NXPH1: variants seen among roughly 807,000 people sequenced by gnomAD.
The protein encoded by NXPH1 is neurexophilin 1.
In NXPH1, 5 loss-of-function variants were observed where a neutral mutation model predicts 23.7. That is an observed-to-expected ratio of 0.21 (90% CI 0.11 to 0.44). NXPH1 has a LOEUF of 0.44. Among genes scored for constraint, NXPH1 ranks in the 20% least tolerant of loss-of-function variants. NXPH1 has a pLI of 0.99. For synonymous variants in NXPH1, 144 were observed against 122.2 expected, an observed-to-expected ratio of 1.18 and a Z score of -1.18; for missense variants, 324 against 321.6, an observed-to-expected ratio of 1.01 and a Z score of -0.06.
chr7:8,563,011 A>C (rs1818474616), intron 2 of NXPH1, among the ~76,000 whole-genome samples: 1 of 151,718 alleles, frequency 6.6e-6, no homozygotes, highest in African/African-American at 2.4e-5. Context: ...TTAAGTTATG[A>C]ATTCTAACCT....
chr7:8,592,440 G>A (rs1350409942), intron 2 of NXPH1, among the ~76,000 whole-genome samples: 1 of 151,986 alleles, frequency 6.6e-6, no homozygotes, highest in Non-Finnish European at 1.5e-5. Flanking sequence ...AGCCACTTAG[G>A]GGTAAGTCAT....
chr7:8,494,816 G>C (rs867271779), intron 2 of NXPH1, among the ~76,000 whole-genome samples: 1 of 152,026 alleles, frequency 6.6e-6, no homozygotes, highest in East Asian at 1.9e-4. Context: ...TGGTTTAGTG[G>C]TCTAGCTTTT....
chr7:8,528,405 C>T (rs1446663029), intron 2 of NXPH1, among the ~76,000 whole-genome samples: 1 of 152,230 alleles, frequency 6.6e-6, no homozygotes, highest in Non-Finnish European at 1.5e-5. Flanking sequence ...CTTTGGTTTG[C>T]AGAAATGCTT....
At chr7:8,447,268 T>C (rs1449272075) in intron 2 of NXPH1, among the ~76,000 whole-genome samples, 1 of 152,222 alleles carries the variant, frequency 6.6e-6, no homozygotes, top group African/African-American at 2.4e-5. Flanking sequence ...TCCAGTTATT[T>C]GTGAATAGTT....
At chr7:8,616,941 C>T (rs540419055) in intron 2 of NXPH1, among the ~76,000 whole-genome samples, 3 of 151,566 alleles carry the variant, frequency 2.0e-5, no homozygotes, top group Non-Finnish European at 4.4e-5. Context: ...ATTAGGAGTT[C>T]GTTATAGTAG....
intron 2 of NXPH1, among the ~76,000 whole-genome samples, chr7:8,451,582 AAGCATT>A (rs1230464715): frequency 1.3e-5 from 2 of 152,214 alleles, no homozygotes; most frequent in African/African-American, 4.8e-5. Context: ...TGATAGTAAA[AAGCATT>A]AGTCTTTTGT....
chr7:8,670,233 C>T (rs773160014), intron 2 of NXPH1, among the ~76,000 whole-genome samples: 1 of 152,194 alleles, frequency 6.6e-6, no homozygotes, highest in African/African-American at 2.4e-5. Flanking sequence ...ATGTAGATGT[C>T]CTTTGAGGTA....
At chr7:8,715,898 A>G (rs1779868260) in intron 2 of NXPH1, among the ~76,000 whole-genome samples, 1 of 152,114 alleles carries the variant, frequency 6.6e-6, no homozygotes, top group South Asian at 2.1e-4. Context: ...CACATAAAAC[A>G]TTATATGTGT....
intron 2 of NXPH1, among the ~76,000 whole-genome samples, chr7:8,656,756 A>C (rs1820589601): frequency 6.8e-6 from 1 of 146,692 alleles, no homozygotes; most frequent in African/African-American, 2.6e-5. Context: ...ATGTGATCTC[A>C]TTGTTCAATT....
intron 2 of NXPH1, among the ~76,000 whole-genome samples, chr7:8,458,081 C>T (rs1237522719): frequency 6.6e-6 from 1 of 152,088 alleles, no homozygotes; most frequent in Non-Finnish European, 1.5e-5. Context: ...AAATGCTATT[C>T]CATAAAAATA....
chr7:8,540,622 CT>C (rs1439371621), intron 2 of NXPH1, among the ~76,000 whole-genome samples: 9 of 151,700 alleles, frequency 5.9e-5, no homozygotes, highest in African/African-American at 2.2e-4. Flanking sequence ...AAGGAGAGAG[CT>C]GCTTTTAAAG....
chr7:8,699,270 A>G (rs745571975), intron 2 of NXPH1, among the ~76,000 whole-genome samples: 15 of 152,170 alleles, frequency 9.9e-5, no homozygotes, highest in Admixed American at 4.6e-4. Flanking sequence ...ATACTTGGTT[A>G]GATAAATGCT....
chr7:8,673,233 A>G (rs1480363709), intron 2 of NXPH1, among the ~76,000 whole-genome samples: 2 of 152,180 alleles, frequency 1.3e-5, no homozygotes, highest in Non-Finnish European at 2.9e-5. Context: ...AATAGGAGCA[A>G]AAGTTATTTG....
intron 2 of NXPH1, among the ~76,000 whole-genome samples, chr7:8,576,543 G>C (rs1055924106): frequency 2.6e-5 from 4 of 152,136 alleles, no homozygotes; most frequent in Admixed American, 6.5e-5. Flanking sequence ...AGAAAGTGGT[G>C]AATGACTGTA....
chr7:8,497,816 C>G (rs1050896259), intron 2 of NXPH1, among the ~76,000 whole-genome samples: 1 of 152,056 alleles, frequency 6.6e-6, no homozygotes, highest in Non-Finnish European at 1.5e-5. Flanking sequence ...TGTAGGTTGC[C>G]TGTTCACTGT....
chr7:8,603,774 G>A (rs1301612442), intron 2 of NXPH1, among the ~76,000 whole-genome samples: 1 of 152,106 alleles, frequency 6.6e-6, no homozygotes, highest in East Asian at 1.9e-4. Context: ...TCACCACACT[G>A]TGTAATCTCC....
chr7:8,599,833 G>C (rs1347516254), intron 2 of NXPH1, among the ~76,000 whole-genome samples: 1 of 150,372 alleles, frequency 6.7e-6, no homozygotes, highest in African/African-American at 2.5e-5. Flanking sequence ...GGTGAAGGGA[G>C]GGATTGTTGG....
chr7:8,545,405 T>C (rs1359060182), intron 2 of NXPH1, among the ~76,000 whole-genome samples: 2 of 151,424 alleles, frequency 1.3e-5, no homozygotes, highest in East Asian at 3.9e-4. Flanking sequence ...AGATGAAAAA[T>C]AGTATTAGAA....
At position 8,510,454 on chromosome 7, in the gene NXPH1, G is replaced by A. The variant is rs531678537; in HGVS notation, c.54+74687G>A. On this transcript the variant is annotated intron_variant, in intron 2 of 2. Coordinates refer to ENST00000405863, the MANE Select transcript of NXPH1 (RefSeq NM_152745.3). Reference sequence around the variant, plus strand: ...ATTATCTGTAGTAGAATTTGCACTCGAATCTAAGATTAAAAAAAAAATCTA... The same window carrying A: ...ATTATCTGTAGTAGAATTTGCACTCAAATCTAAGATTAAAAAAAAAATCTA... Among the ~76,000 whole-genome samples the A allele has an allele frequency of 4.3e-3, 647 of 151,886 alleles. 8 individuals carry two copies. Among genetic ancestry groups the A allele is most frequent in the African/African-American group, 0.015 (629 of 41,426 alleles).
Sources: allele counts gnomAD v4.1 joint callset (sites outside exome capture counted in the v4.1 genomes callset), GRCh38; gene constraint gnomAD v4.1.1; transcripts MANE v1.5; gene names NCBI Gene and HGNC (gene_info 2026-07-23, HGNC 2026-07-21).